DCD: variants seen among roughly 807,000 people sequenced by gnomAD.
DCD encodes the protein dermcidin, also known as diffusible survival/evasion peptide.
In DCD, 17 loss-of-function variants were observed where a neutral mutation model predicts 14.5. The observed-to-expected ratio is 1.18, with a 90% CI of 0.81 to 1.76. The LOEUF (loss-of-function observed/expected upper bound fraction) is 1.76, where lower values mean the gene tolerates loss of function less well. DCD is among the 40% of genes most tolerant of loss of function. DCD has a pLI of 0.00. For missense variants in DCD, 139 were observed against 133.4 expected (o/e 1.04, Z -0.21); for synonymous variants, 64 against 54.0 (o/e 1.19, Z -0.82).
rs11338265 is a variant in DCD, at chr12:54,644,624, A to ATTTT, written c.*85_*88dup. ...GCTTTCAGTTTAATAGCTGTTTTAA[A>ATTTT]TTTTTTTTTTTTTTTTTTTTTTTAG... is the stretch of plus-strand genomic sequence containing the variant. On this transcript the variant is annotated 3_prime_UTR_variant, in exon 5 of 5. Coordinates refer to ENST00000293371, the MANE Select transcript of DCD (RefSeq NM_053283.4). The ATTTT allele has an allele frequency of 1.4e-4, 92 of 651,604 alleles. No homozygotes were observed. The highest frequency in any genetic ancestry group is 7.6e-4 in the South Asian group (36 of 47,532). 40.4% of individuals were successfully genotyped at this position (651,604 alleles called of 1,614,324 possible).
chr12:54,647,254 C>T, intron 1 of DCD, 95 bp from the exon 2 acceptor site: 1 of 1,246,608 alleles, frequency 8.0e-7, no homozygotes, highest in Non-Finnish European at 1.1e-6. Context: ...CCTCTAATCT[C>T]AGGAGTGTGG....
Position 54,645,198 on chromosome 12 carries a change from G to T in DCD, c.264C>A (p.Val88=), listed in dbSNP as rs781161982. Residue 88 remains valine, a synonymous_variant, in exon 4 of 5, where the codon GTC becomes GTA. Coordinates refer to ENST00000293371, the MANE Select transcript of DCD (RefSeq NM_053283.4). ...GGLGKLGKDA[V]EDLESVGKGA... ...CTTTACCCACGCTTTCTAGATCTTC[G>T]ACTGCATCTTTTCCTAGTTTTCCGA... 6.2e-7 allele frequency: 1 copy of T among 1,614,002 alleles called. No individual in the cohort carries two copies. The highest frequency in any genetic ancestry group is 1.3e-5 in the African/African-American group (1 of 74,966).
At chr12:54,647,291 T>G in intron 1 of DCD, 132 bp from the exon 2 acceptor site, 1 of 857,974 alleles carries the variant, frequency 1.2e-6, no homozygotes, top group Non-Finnish European at 1.8e-6. Flanking sequence ...GAGAAATCTC[T>G]GCTTCACAAG....
intron 1 of DCD, 23 bp from the exon 2 acceptor site, chr12:54,647,182 C>T (rs765313131): frequency 6.4e-7 from 1 of 1,557,892 alleles, no homozygotes; most frequent in Non-Finnish European, 8.7e-7. Flanking sequence ...GAACAGTGAC[C>T]ATGTCAAGTA....
At chr12:54,647,457 GGGGCATGACCACGA>G (rs1958270250) in intron 1 of DCD, among the ~76,000 whole-genome samples, 1 of 152,212 alleles carries the variant, frequency 6.6e-6, no homozygotes, top group African/African-American at 2.4e-5. Context: ...GAAAGTTGAA[GGGGCATGACCACGA>G]GGGCATGACC....
chr12:54,647,678 C>A (rs530457210), intron 1 of DCD, among the ~76,000 whole-genome samples: 2 of 152,128 alleles, frequency 1.3e-5, no homozygotes, highest in African/African-American at 4.8e-5. Context: ...GGGAAGCTGA[C>A]AGTCAATGGG....
chr12:54,645,647 C>A lies in DCD; in HGVS notation c.158G>T (p.Arg53Ile), dbSNP rs1246866559. The part of the protein sequence containing the change: ...ENAGEDPGLA[R>I]QAPKPRKQRS... The stretch of plus-strand genomic sequence containing the variant: ...CTGCTTCCTTGGCTTTGGTGCCTGT[C>A]TGGCTAACCCTGGGTCTTCACCTGC... The change falls in exon 3 of 5, where the codon AGA becomes ATA. Residue 53 changes from arginine to isoleucine, a missense_variant. Arg to Ile is a moderately conservative substitution (Grantham distance 97). Coordinates refer to ENST00000293371, the MANE Select transcript of DCD (RefSeq NM_053283.4). 1 of 1,614,194 alleles carries A rather than the reference C, an allele frequency of 6.2e-7. No individual in the cohort carries two copies. Among genetic ancestry groups the A allele is most frequent in the South Asian group, 1.1e-5 (1 of 91,084 alleles).
At position 54,645,229 on chromosome 12, in the gene DCD, C is replaced by A. The variant is rs766838953; in HGVS notation, c.233G>T (p.Gly78Val). The A allele has an allele frequency of 1.2e-6, 2 of 1,614,072 alleles. No homozygotes were observed. The highest frequency in any genetic ancestry group is 3.3e-5 in the Admixed American group (2 of 60,022). The stretch of plus-strand genomic sequence containing the variant: ...ATCTTTTCCTAGTTTTCCGAGTCCC[C>A]CCACAGCTTTTTTTGCTCCGTCTAG... ...KGLDGAKKAVGGLGKLGKDAV... is the reference protein window; with the variant it reads ...KGLDGAKKAVVGLGKLGKDAV... The change falls in exon 4 of 5, where the codon GGG becomes GTG. Residue 78 changes from glycine to valine, a missense_variant. By Grantham distance (109) the Gly-to-Val change is moderately radical. Transcript: ENST00000293371.
In DCD at chr12:54,644,710, C is replaced by A. The variant is rs745977741; in HGVS notation, c.*3G>T. The stretch of plus-strand genomic sequence containing the variant: ...GGTATCATTTCTCAGCTTCTCCTTA[C>A]AGCTATAGTACTGAGTCAAGGACGT... On this transcript the variant is annotated 3_prime_UTR_variant, in exon 5 of 5. Coordinates refer to ENST00000293371, the MANE Select transcript of DCD (RefSeq NM_053283.4). 1.9e-6 allele frequency: 3 copies of A among 1,600,810 alleles called. No homozygotes were observed. Among genetic ancestry groups the A allele is most frequent in the African/African-American group, 2.8e-5 (2 of 72,268 alleles).
chr12:54,645,995 TC>T (rs1438262315), intron 2 of DCD: 1 of 479,606 alleles, frequency 2.1e-6, no homozygotes, highest in Non-Finnish European at 4.1e-6. Flanking sequence ...TTAAAGAGAC[TC>T]CCCCTAGTTT....
chr12:54,645,448 A>T (rs1185424203), intron 3 of DCD, among the ~76,000 whole-genome samples, 158 bp downstream of exon 3: 1 of 152,096 alleles, frequency 6.6e-6, no homozygotes, highest in East Asian at 1.9e-4. Flanking sequence ...TGGCCCAGAA[A>T]CCCTGTATGT....
Position 54,647,293 on chromosome 12 carries a change from C to T in DCD, c.59-134G>A, listed in dbSNP as rs1375030205. 1.2e-5 allele frequency: 10 copies of T among 837,898 alleles called. No homozygotes were observed. In the Admixed American group the frequency reaches 2.7e-4, roughly 22 times the overall value. 51.9% of individuals were successfully genotyped at this position (837,898 alleles called of 1,614,324 possible). ...TGGACAGACAGGAGAGAAATCTCTG[C>T]TTCACAAGGGGCCCACTAGAAATGC... On this transcript the variant is annotated intron_variant, in intron 1 of 4. Transcript: ENST00000293371.
rs369454217 is a variant in DCD at position 54,644,675 on chromosome 12, G to C, written c.*38C>G. ...GTTTTAGGCTGAAGACGTAAAGCCTGCTGCTCCTGGGTATCATTTCTCAGC... is the reference window on the plus strand; with the variant it reads ...GTTTTAGGCTGAAGACGTAAAGCCTCCTGCTCCTGGGTATCATTTCTCAGC... On this transcript the variant is annotated 3_prime_UTR_variant, in exon 5 of 5. Transcript: ENST00000293371. 7.4e-7 allele frequency: 1 copy of C among 1,345,542 alleles called. No individual in the cohort carries two copies. Among genetic ancestry groups the C allele is most frequent in the Non-Finnish European group, 1.0e-6 (1 of 954,286 alleles). The allele number at this position is 1,345,542 out of a possible 1,614,324, so 83.4% of individuals were successfully genotyped here.
At chr12:54,645,486 C>G (rs538588576) in intron 3 of DCD, 120 bp downstream of exon 3, 1 of 989,230 alleles carries the variant, frequency 1.0e-6, no homozygotes, top group South Asian at 1.6e-5. Context: ...CCAAGCCCTC[C>G]CTAGGAATAT....
rs532438783 is a variant in DCD at position 54,644,896 on chromosome 12, G to A, written c.290-140C>T. On this transcript the variant is annotated intron_variant, in intron 4 of 4. Coordinates refer to ENST00000293371, the MANE Select transcript of DCD (RefSeq NM_053283.4). ...TGGAGGTGCTTACACAGAAGTCAGA[G>A]GGATGGAGGTTAGATTCACAGGAGC... 3.9e-5 allele frequency: 60 copies of A among 1,550,750 alleles called. No homozygotes were observed. The East Asian group carries it at 6.1e-4, about 16-fold the overall frequency.
chr12:54,647,285 A>T, intron 1 of DCD, 126 bp from the exon 2 acceptor site: 1 of 894,872 alleles, frequency 1.1e-6, no homozygotes, highest in Non-Finnish European at 1.7e-6. Flanking sequence ...ACAGGAGAGA[A>T]ATCTCTGCTT....
At position 54,648,353 on chromosome 12, in the gene DCD, G is replaced by C. The variant is rs1474670876; in HGVS notation, c.-50C>G. ...GCCACCAAATCCTTGGAGATCTTGG[G>C]ATCTAGGGTGTCAAGACTGCCTCTC... On this transcript the variant is annotated 5_prime_UTR_variant, in exon 1 of 5. The change creates a new upstream start codon in the 5' untranslated region. Transcript: ENST00000293371. The C allele has an allele frequency of 6.2e-7, 1 of 1,611,570 alleles. No homozygotes were observed. Among genetic ancestry groups the C allele is most frequent in the Admixed American group, 1.7e-5 (1 of 59,798 alleles).
rs779819636 is a variant in DCD at position 54,645,287 on chromosome 12, G to A, written c.200-25C>T. ...TCTAGGGTGGATTCAGAAAAGAAGA[G>A]GTCATAGAAGCAGAAAAACTACTTC... On this transcript the variant is annotated intron_variant, in intron 3 of 4. Transcript: ENST00000293371. 3.1e-6 allele frequency: 5 copies of A among 1,606,332 alleles called. No homozygotes were observed. The South Asian group carries it at 3.3e-5, about 11-fold the overall frequency.
At chr12:54,645,781 T>G (rs1958255715) in intron 2 of DCD, 74 bp from the exon 3 acceptor site, 2 of 1,257,398 alleles carry the variant, frequency 1.6e-6, no homozygotes, top group East Asian at 4.7e-5. Flanking sequence ...CAGGTGGTGC[T>G]TTTACCCCCT....
Sources: gnomAD v4.1 joint callset for allele counts (sites outside exome capture counted in the v4.1 genomes callset) on GRCh38, gnomAD v4.1.1 for gene constraint, MANE v1.5 for transcripts, NCBI Gene and HGNC (gene_info 2026-07-23, HGNC 2026-07-21) for gene names.